The following MIEF2 variants were observed in gnomAD, a reference collection of about 807,000 sequenced individuals.
MIEF2 encodes the protein mitochondrial elongation factor 2.
A neutral mutation model predicts 7.4 loss-of-function variants in MIEF2; 1 was observed. The ratio of observed to expected loss-of-function variants is 0.14; its 90% CI spans 0.05 to 0.64. The LOEUF is 0.64. Ranked by LOEUF, MIEF2 falls within the 30% of genes least tolerant of loss-of-function variation. The pLI is 0.85. For synonymous variants in MIEF2, 275 were observed against 290.5 expected, an observed-to-expected ratio of 0.95 and a Z score of 0.54; for missense variants, 569 against 623.9, an observed-to-expected ratio of 0.91 and a Z score of 0.94.
chr17:18,261,930 CT>C (rs1238266780), intron 1 of MIEF2, among the ~76,000 whole-genome samples: 1 of 152,264 alleles, frequency 6.6e-6, no homozygotes, highest in Admixed American at 6.5e-5. Context: ...CTGCATTGGC[CT>C]GCCTGGGCAG....
At chr17:18,262,080 T>C (rs192458362) in intron 1 of MIEF2, among the ~76,000 whole-genome samples, 12 of 152,348 alleles carry the variant, frequency 7.9e-5, no homozygotes, top group Non-Finnish European at 1.8e-4. Context: ...CTCTGGACTT[T>C]GGGCTCTTCT....
chr17:18,263,344 C>T, intron 3 of MIEF2, 96 bp downstream of exon 3: 5 of 1,514,446 alleles, frequency 3.3e-6, no homozygotes, highest in Non-Finnish European at 4.6e-6. Context: ...CGAGTCCCTG[C>T]TTCTCTCTCG....
intron 1 of MIEF2, 63 bp downstream of exon 1, chr17:18,260,800 G>A (rs1466572674): frequency 3.1e-5 from 10 of 320,954 alleles, no homozygotes; most frequent in African/African-American, 1.1e-4. Flanking sequence ...GGCGCGCGAC[G>A]GAACGCAGAT....
chr17:18,263,659 T>G (rs1398377876), intron 3 of MIEF2, 51 bp from the exon 4 acceptor site: 1 of 1,483,424 alleles, frequency 6.7e-7, no homozygotes, highest in African/African-American at 1.5e-5. Context: ...TGGCGTTTTC[T>G]TAACTAATCA....
In MIEF2 at chr17:18,264,086, G is replaced by T; in HGVS notation, c.687G>T (p.Gln229His). 1 of 1,552,774 alleles carries T rather than the reference G, an allele frequency of 6.4e-7. No individual in the cohort carries two copies. Among genetic ancestry groups the T allele is most frequent in the Non-Finnish European group, 8.7e-7 (1 of 1,154,714 alleles). The change falls in exon 4 of 4, where the codon CAG (glutamine) becomes CAT (histidine). Residue 229 changes from glutamine to histidine, a missense_variant. Transcript: ENST00000323019. Reference sequence around the variant, plus strand: ...GCTGCTGGGCCGTGCGCAGGACGCAGCTTGAGTTCTGCCCCCGTGGGAGCA... The same window carrying T: ...GCTGCTGGGCCGTGCGCAGGACGCATCTTGAGTTCTGCCCCCGTGGGAGCA... ...DPRCWAVRRT[Q>H]LEFCPRGSSP...
chr17:18,263,164 G>T lies in MIEF2; in HGVS notation c.226G>T (p.Ala76Ser). Residue 76 changes from alanine (A) to serine (S), a missense_variant, in exon 3 of 4, where the codon GCC becomes TCC. Physicochemically the swap from Ala to Ser is moderately conservative, Grantham distance 99. Coordinates refer to ENST00000323019, the MANE Select transcript of MIEF2 (RefSeq NM_139162.4). ...CTGGAAGGAACTGAGCCTGCTCAAG[G>T]CCACACCACACCTGCAGCCCCGGCC... is the stretch of plus-strand genomic sequence containing the variant. The part of the protein sequence containing the change: ...DSWKELSLLK[A>S]TPHLQPRPPP... 1 of 1,613,642 alleles carries T rather than the reference G, an allele frequency of 6.2e-7. No individual in the cohort carries two copies. Among genetic ancestry groups the T allele is most frequent in the African/African-American group, 1.3e-5 (1 of 75,078 alleles).
chr17:18,261,798 A>G (rs529418178), intron 1 of MIEF2, among the ~76,000 whole-genome samples: 57 of 152,258 alleles, frequency 3.7e-4, no homozygotes, highest in Admixed American at 1.0e-3. Flanking sequence ...GCAGTTGAGA[A>G]GCATCACCCA....
At position 18,264,239 on chromosome 17, in the gene MIEF2, G is replaced by A; in HGVS notation, c.840G>A (p.Arg280=). ...GCAGCCTTCTCGGGTGCCTGATCCGGCCCAGCATGGCCTCGGAGGAGCTGC... is the reference window on the plus strand; with the variant it reads ...GCAGCCTTCTCGGGTGCCTGATCCGACCCAGCATGGCCTCGGAGGAGCTGC... ...AIGSLLGCLI[R]PSMASEELLL... The change falls in exon 4 of 4, where the codon CGG becomes CGA. Residue 280 remains arginine (R), a synonymous_variant. Transcript: ENST00000323019. 1 of 1,604,048 alleles carries A rather than the reference G, an allele frequency of 6.2e-7. No individual in the cohort carries two copies. The highest frequency in any genetic ancestry group is 8.5e-7 in the Non-Finnish European group (1 of 1,179,712).
At chr17:18,263,383 G>C in intron 3 of MIEF2, 135 bp downstream of exon 3, 1 of 1,255,584 alleles carries the variant, frequency 8.0e-7, no homozygotes, top group Non-Finnish European at 1.2e-6. Flanking sequence ...ATTTAATGGG[G>C]GTGGTGTTTC....
rs998173978 is a variant in MIEF2, at chr17:18,264,795, C to T, written c.*31C>T. 6.3e-7 allele frequency: 1 copy of T among 1,581,128 alleles called. No homozygotes were observed. The highest frequency in any genetic ancestry group is 8.6e-7 in the Non-Finnish European group (1 of 1,160,072). On this transcript the variant is annotated 3_prime_UTR_variant, in exon 4 of 4. Transcript: ENST00000323019. ...TGGAAACGGGTGGTTGCCATGTTTT[C>T]TAATGCTGGGGAGCTGCACCCACCT...
Position 18,264,755 on chromosome 17 carries a change from G to T in MIEF2, c.1356G>T (p.Gly452=). The change falls in exon 4 of 4, where the codon GGG becomes GGT. Residue 452 remains glycine (G), a synonymous_variant. Coordinates refer to ENST00000323019, the MANE Select transcript of MIEF2 (RefSeq NM_139162.4). ...ALYSGLQEPE[G]LL Reference sequence around the variant, plus strand: ...ACAGTGGCCTACAGGAGCCCGAGGGGCTGCTCTAGGTGGGTGGAAACGGGT... The same window carrying T: ...ACAGTGGCCTACAGGAGCCCGAGGGTCTGCTCTAGGTGGGTGGAAACGGGT... 6.2e-7 allele frequency: 1 copy of T among 1,606,238 alleles called. No homozygotes were observed. Among genetic ancestry groups the T allele is most frequent in the Non-Finnish European group, 8.5e-7 (1 of 1,174,820 alleles).
intron 1 of MIEF2, among the ~76,000 whole-genome samples, chr17:18,262,220 C>G (rs574539374): frequency 6.6e-6 from 1 of 152,314 alleles, no homozygotes; most frequent in East Asian, 1.9e-4. Context: ...AGTCTGGAGG[C>G]CTTGCAGTCA....
chr17:18,261,058 A>C (rs1978387553), intron 1 of MIEF2: 1 of 1,529,652 alleles, frequency 6.5e-7, no homozygotes, highest in Non-Finnish European at 8.9e-7. Context: ...AACTTGGGTT[A>C]TTTTCAGCCA....
In MIEF2 at chr17:18,265,219, G is replaced by C. The variant is rs1978683553; in HGVS notation, c.*455G>C. Reference sequence around the variant, plus strand: ...TGAGGCGTCTGGTGCCTGATGGTAGGTATGGTGTGTTTGTTCTGTCCCCCA... The same window carrying C: ...TGAGGCGTCTGGTGCCTGATGGTAGCTATGGTGTGTTTGTTCTGTCCCCCA... On this transcript the variant is annotated 3_prime_UTR_variant, in exon 4 of 4. Transcript: ENST00000323019. The C allele has an allele frequency of 6.1e-6, 1 of 162,754 alleles. No homozygotes were observed. Among genetic ancestry groups the C allele is most frequent in the African/African-American group, 2.4e-5 (1 of 41,666 alleles). The allele number at this position is 162,754 out of a possible 1,614,324, so 10.1% of individuals were successfully genotyped here. A position where few individuals can be genotyped will look rare whatever the true frequency, so the allele number is the denominator to read the frequency against.
Position 18,264,749 on chromosome 17 carries a change from C to T in MIEF2, c.1350C>T (p.Pro450=), listed in dbSNP as rs146804862. The T allele has an allele frequency of 1.8e-4, 293 of 1,606,502 alleles. No individual in the cohort carries two copies. In the African/African-American group the frequency reaches 3.5e-3, roughly 19 times the overall value. ...GYALYSGLQE[P]EGLL ...CGCTATACAGTGGCCTACAGGAGCC[C>T]GAGGGGCTGCTCTAGGTGGGTGGAA... Residue 450 remains proline (P), a synonymous_variant, in exon 4 of 4, where the codon CCC becomes CCT. Coordinates refer to ENST00000323019, the MANE Select transcript of MIEF2 (RefSeq NM_139162.4).
At position 18,263,211 on chromosome 17, in the gene MIEF2, G is replaced by A. The variant is rs1978517214; in HGVS notation, c.273G>A (p.Gln91=). 1 of 1,613,734 alleles carries A rather than the reference G, an allele frequency of 6.2e-7. No homozygotes were observed. The highest frequency in any genetic ancestry group is 1.7e-5 in the Admixed American group (1 of 60,008). The change falls in exon 3 of 4, where the codon CAG becomes CAA. Residue 91 remains glutamine, a synonymous_variant. Coordinates refer to ENST00000323019, the MANE Select transcript of MIEF2 (RefSeq NM_139162.4). The part of the protein sequence containing the change: ...QPRPPPAALS[Q]PVLPLAPSSS... Reference sequence around the variant, plus strand: ...GGCCTCCACCTGCTGCCCTTAGCCAGCCAGTGTTGCCCTTGGCCCCCTCGT... The same window carrying A: ...GGCCTCCACCTGCTGCCCTTAGCCAACCAGTGTTGCCCTTGGCCCCCTCGT...
Position 18,264,061 on chromosome 17 carries a change from G to T in MIEF2, c.662G>T (p.Arg221Leu). Reference sequence around the variant, plus strand: ...GTGGACACTGTGGCGAGGGACCCTCGCTGCTGGGCCGTGCGCAGGACGCAG... The same window carrying T: ...GTGGACACTGTGGCGAGGGACCCTCTCTGCTGGGCCGTGCGCAGGACGCAG... ...PGVDTVARDPRCWAVRRTQLE... is the reference protein window; with the variant it reads ...PGVDTVARDPLCWAVRRTQLE... Residue 221 changes from arginine (R) to leucine (L), a missense_variant, in exon 4 of 4, where the codon CGC becomes CTC. Coordinates refer to ENST00000323019, the MANE Select transcript of MIEF2 (RefSeq NM_139162.4). The T allele has an allele frequency of 6.4e-7, 1 of 1,551,368 alleles. No individual in the cohort carries two copies. Among genetic ancestry groups the T allele is most frequent in the Non-Finnish European group, 8.7e-7 (1 of 1,152,590 alleles).
At chr17:18,261,771 T>C (rs943992102) in intron 1 of MIEF2, among the ~76,000 whole-genome samples, 2 of 152,150 alleles carry the variant, frequency 1.3e-5, no homozygotes, top group African/African-American at 4.8e-5. Flanking sequence ...TTACTTTCTG[T>C]GTTGCTTGGC....
chr17:18,261,678 T>G (rs1180544837), intron 1 of MIEF2, among the ~76,000 whole-genome samples: 1 of 152,208 alleles, frequency 6.6e-6, no homozygotes, highest in Non-Finnish European at 1.5e-5. Context: ...AGCCACACAC[T>G]TCAAGGCTGC....
Sources: gnomAD v4.1 joint callset for allele counts (sites outside exome capture counted in the v4.1 genomes callset) on GRCh38, gnomAD v4.1.1 for gene constraint, MANE v1.5 for transcripts, NCBI Gene and HGNC (gene_info 2026-07-23, HGNC 2026-07-21) for gene names.